OLFM2: variants seen among roughly 807,000 people sequenced by gnomAD.
The protein encoded by OLFM2 is noelin-2.
In OLFM2, 20 loss-of-function variants were observed where a neutral mutation model predicts 43.9. The ratio of observed to expected loss-of-function variants is 0.46; its 90% CI spans 0.32 to 0.66. The LOEUF (loss-of-function observed/expected upper bound fraction) is 0.66. OLFM2 is among the 30% of genes least tolerant of loss of function. The pLI is 0.04. For missense variants in OLFM2, 416 were observed against 643.6 expected (o/e 0.65, Z 3.83); for synonymous variants, 268 against 278.6 (o/e 0.96, Z 0.38).
At chr19:9,894,556 A>G (rs2046666874) in intron 1 of OLFM2, among the ~76,000 whole-genome samples, 1 of 151,328 alleles carries the variant, frequency 6.6e-6, no homozygotes, top group African/African-American at 2.4e-5. Flanking sequence ...CTAAAAATAC[A>G]AAATTAGCCA....
chr19:9,923,029 G>C (rs1181499007), intron 1 of OLFM2, among the ~76,000 whole-genome samples: 1 of 152,132 alleles, frequency 6.6e-6, no homozygotes, highest in African/African-American at 2.4e-5. Context: ...AAGAGTTGTT[G>C]ACTTTTTGGA....
intron 1 of OLFM2, among the ~76,000 whole-genome samples, chr19:9,893,187 CAG>C (rs2046653202): frequency 6.7e-6 from 1 of 148,532 alleles, no homozygotes; most frequent in African/African-American, 2.5e-5. Context: ...TTTTTTGAGA[CAG>C]AGTCTCGCTC....
intron 1 of OLFM2, among the ~76,000 whole-genome samples, chr19:9,880,408 T>C (rs2046529623): frequency 1.3e-5 from 2 of 152,042 alleles, no homozygotes; most frequent in South Asian, 4.2e-4. Context: ...GGAAGACGCA[T>C]GGCAAACAGA....
intron 1 of OLFM2, among the ~76,000 whole-genome samples, chr19:9,880,589 C>A (rs1373541746): frequency 6.6e-6 from 1 of 151,794 alleles, no homozygotes. Flanking sequence ...AGAGCGAGAC[C>A]CCATCTCTAA....
chr19:9,925,636 T>C (rs1247157206), intron 1 of OLFM2, among the ~76,000 whole-genome samples: 6 of 151,372 alleles, frequency 4.0e-5, no homozygotes, highest in Non-Finnish European at 5.9e-5. Flanking sequence ...GGTTTCACCA[T>C]GTTGCTGAGG....
chr19:9,885,262 G>C (rs1238801056), intron 1 of OLFM2, among the ~76,000 whole-genome samples: 3 of 152,192 alleles, frequency 2.0e-5, no homozygotes, highest in Non-Finnish European at 4.4e-5. Context: ...GGAGGCAGAG[G>C]GCTGAGTCTC....
chr19:9,882,785 C>CT (rs1396983304), intron 1 of OLFM2, among the ~76,000 whole-genome samples: 3 of 151,488 alleles, frequency 2.0e-5, no homozygotes, highest in Non-Finnish European at 4.4e-5. Context: ...TGGTGCATGC[C>CT]TATAGCCTCA....
At chr19:9,903,580 A>G (rs535244943) in intron 1 of OLFM2, among the ~76,000 whole-genome samples, 18 of 152,272 alleles carry the variant, frequency 1.2e-4, no homozygotes, top group Admixed American at 7.8e-4. Context: ...GGTCTCCCCA[A>G]CGAACTCATT....
At chr19:9,918,747 G>GT (rs1480234330) in intron 1 of OLFM2, among the ~76,000 whole-genome samples, 3 of 152,038 alleles carry the variant, frequency 2.0e-5, no homozygotes, top group African/African-American at 7.3e-5. Flanking sequence ...ATTTTGCTAA[G>GT]TAAAAGGAGC....
rs1262937978 is a variant in OLFM2, at chr19:9,854,018, G to A, written c.*168C>T. ...TCAATAAAGGAGAAGAGGGGAAATT[G>A]AAAAAATAGACAGAAATACATAGGC... On this transcript the variant is annotated 3_prime_UTR_variant, in exon 6 of 6. Coordinates refer to ENST00000264833, the MANE Select transcript of OLFM2 (RefSeq NM_058164.4). The surrounding 1 kb of genome is among the most constrained non-coding windows in gnomAD (Gnocchi z 9.5). The A allele has an allele frequency of 1.1e-5, 7 of 622,546 alleles. No homozygotes were observed. The Admixed American group carries it at 1.5e-4, about 13-fold the overall frequency. 38.6% of individuals were successfully genotyped at this position (622,546 alleles called of 1,614,324 possible).
intron 1 of OLFM2, among the ~76,000 whole-genome samples, chr19:9,883,898 G>A (rs1245774640): frequency 6.6e-6 from 1 of 152,120 alleles, no homozygotes; most frequent in Non-Finnish European, 1.5e-5. Context: ...TCTGTAAAAC[G>A]AGGTGAACAG....
chr19:9,886,490 G>C (rs2145460431), intron 1 of OLFM2, among the ~76,000 whole-genome samples: 1 of 151,818 alleles, frequency 6.6e-6, no homozygotes, highest in South Asian at 2.1e-4. Context: ...TACCGCACTG[G>C]GCCCTAAGAG....
At chr19:9,868,272 G>C (rs1568369994) in intron 1 of OLFM2, among the ~76,000 whole-genome samples, 1 of 152,128 alleles carries the variant, frequency 6.6e-6, no homozygotes, top group Admixed American at 6.5e-5. Flanking sequence ...ATGTTGGCCA[G>C]GCTGGTCTTG....
chr19:9,855,598 A>G (rs2046310402), intron 5 of OLFM2, among the ~76,000 whole-genome samples: 1 of 151,736 alleles, frequency 6.6e-6, no homozygotes, highest in African/African-American at 2.4e-5. Flanking sequence ...CAGTGGCACA[A>G]TCACGGCTCA....
rs1161576493 is a variant in OLFM2 at position 9,854,535 on chromosome 19, T to C, written c.1016A>G (p.Asn339Ser). Residue 339 changes from asparagine (N) to serine (S), a missense_variant, in exon 6 of 6, where the codon AAC (asparagine) becomes AGC (serine). By Grantham distance (46) the Asn-to-Ser change is conservative. Transcript: ENST00000264833. This position sits in a 1 kb window ranked among gnomAD's most constrained non-coding sequence, Gnocchi z 9.5. Reference sequence around the variant, plus strand: ...GACCACGATGTTGCCCGCGTTCTGGTTGGTGGTGTACACAGCCCAGAGCCC... The same window carrying C: ...GACCACGATGTTGCCCGCGTTCTGGCTGGTGGTGTACACAGCCCAGAGCCC... ...ESGLWAVYTT[N>S]QNAGNIVVSR... 2.5e-6 allele frequency: 4 copies of C among 1,613,854 alleles called. No homozygotes were observed. The highest frequency in any genetic ancestry group is 3.4e-6 in the Non-Finnish European group (4 of 1,180,014).
At chr19:9,897,812 T>C (rs1005845082) in intron 1 of OLFM2, among the ~76,000 whole-genome samples, 2 of 152,152 alleles carry the variant, frequency 1.3e-5, no homozygotes, top group Non-Finnish European at 2.9e-5. Flanking sequence ...CCATGGAGCA[T>C]GGAAGGGGGT....
At chr19:9,918,203 T>G (rs1390535991) in intron 1 of OLFM2, among the ~76,000 whole-genome samples, 6 of 151,232 alleles carry the variant, frequency 4.0e-5, no homozygotes, top group Admixed American at 6.6e-5. Context: ...ATCTTTTTTT[T>G]TAAGGCGAGG....
chr19:9,935,694 G>C (rs990148692), intron 1 of OLFM2, among the ~76,000 whole-genome samples: 3 of 152,080 alleles, frequency 2.0e-5, no homozygotes, highest in African/African-American at 4.8e-5. Context: ...GTCACACACA[G>C]ACTCTGTCTC....
intron 1 of OLFM2, among the ~76,000 whole-genome samples, chr19:9,876,958 G>A (rs1433208422): frequency 1.3e-5 from 2 of 152,090 alleles, no homozygotes; most frequent in Non-Finnish European, 2.9e-5. Context: ...GGCTGGGTGC[G>A]GTGGCTCACA....
Sources: gnomAD v4.1 joint callset for allele counts (sites outside exome capture counted in the v4.1 genomes callset) on GRCh38, gnomAD v4.1.1 for gene constraint, Gnocchi (gnomAD v3.1) non-coding constraint, MANE v1.5 for transcripts, NCBI Gene and HGNC (gene_info 2026-07-23, HGNC 2026-07-21) for gene names.